The following TTC6 variants were observed in gnomAD, a reference collection of about 807,000 sequenced individuals.
TTC6 encodes the protein tetratricopeptide repeat domain 6.
In TTC6, 172 loss-of-function variants were observed where a neutral mutation model predicts 210.4. The observed-to-expected ratio is 0.82, with a 90% CI of 0.72 to 0.93. The LOEUF (loss-of-function observed/expected upper bound fraction) is 0.93, where lower values mean the gene tolerates loss of function less well. Among genes scored for constraint, TTC6 ranks in the 40% least tolerant of loss-of-function variants. TTC6 has a pLI of 0.00. For missense variants in TTC6, 2,414 were observed against 2,318.1 expected, an observed-to-expected ratio of 1.04 and a Z score of -0.85; for synonymous variants, 804 against 819.6, an observed-to-expected ratio of 0.98 and a Z score of 0.32.
At chr14:37,754,940 A>G (rs1221374816) in intron 14 of TTC6, among the ~76,000 whole-genome samples, 1 of 152,128 alleles carries the variant, frequency 6.6e-6, no homozygotes, top group Non-Finnish European at 1.5e-5. Context: ...GGATTGCTGT[A>G]TCAAATTCTA....
intron 12 of TTC6, 32 bp from the exon 15 acceptor site, chr14:37,751,021 A>T: frequency 1.4e-6 from 2 of 1,436,570 alleles, no homozygotes. Context: ...AAGGATTATA[A>T]CTCCAAATTT....
At chr14:37,764,279 G>T (rs1382834280) in intron 14 of TTC6, among the ~76,000 whole-genome samples, 7 of 152,062 alleles carry the variant, frequency 4.6e-5, no homozygotes, top group Non-Finnish European at 1.0e-4. Flanking sequence ...ATATATGTTT[G>T]TTAGGTCTAG....
intron 3 of TTC6, among the ~76,000 whole-genome samples, chr14:37,695,969 C>T (rs1468118894): frequency 1.3e-5 from 2 of 152,080 alleles, no homozygotes; most frequent in Non-Finnish European, 2.9e-5. Flanking sequence ...ATGTGAAAAA[C>T]TTCAGTGTTT....
At chr14:37,771,107 T>C (rs1366939731) in intron 14 of TTC6, among the ~76,000 whole-genome samples, 1 of 151,360 alleles carries the variant, frequency 6.6e-6, no homozygotes, top group Non-Finnish European at 1.5e-5. Flanking sequence ...AAAATTCTTT[T>C]CTTTAAGAAT....
At chr14:37,813,227 AT>A (rs927496403) in intron 25 of TTC6, among the ~76,000 whole-genome samples, 4 of 152,154 alleles carry the variant, frequency 2.6e-5, no homozygotes, top group Non-Finnish European at 4.4e-5. Flanking sequence ...CCAAATAATC[AT>A]TTACCTTTGA....
At chr14:37,614,610 G>GT (rs1183273259) in intron 2 of TTC6, among the ~76,000 whole-genome samples, 2 of 147,028 alleles carry the variant, frequency 1.4e-5, no homozygotes, top group Non-Finnish European at 3.0e-5. Context: ...AGCATTTCTT[G>GT]TAATTCCTAT....
At chr14:37,791,937 C>G (rs762810294) in intron 16 of TTC6, among the ~76,000 whole-genome samples, 2 of 152,108 alleles carry the variant, frequency 1.3e-5, no homozygotes, top group Non-Finnish European at 2.9e-5. Context: ...GGTAAAGACT[C>G]TTTAGTTGAG....
intron 3 of TTC6, among the ~76,000 whole-genome samples, chr14:37,691,547 T>A (rs1329293801): frequency 6.6e-6 from 1 of 152,058 alleles, no homozygotes; most frequent in Non-Finnish European, 1.5e-5. Context: ...ACAAAAGTAG[T>A]ACTAAGAGGG....
intron 1 of TTC6, among the ~76,000 whole-genome samples, chr14:37,671,008 T>G (rs977821643): frequency 6.6e-6 from 1 of 152,332 alleles, no homozygotes; most frequent in East Asian, 1.9e-4. Context: ...ATTTAGCAGC[T>G]TAAAACAATG....
At chr14:37,760,306 G>T (rs192146839) in intron 14 of TTC6, among the ~76,000 whole-genome samples, 29 of 152,282 alleles carry the variant, frequency 1.9e-4, no homozygotes, top group Non-Finnish European at 3.7e-4. Context: ...TTCAGAACCT[G>T]TTTGCCTGGG....
chr14:37,727,558 T>G lies in TTC6; in HGVS notation c.1818+2556T>G, dbSNP rs542497728. Among the ~76,000 whole-genome samples the G allele has an allele frequency of 4.1e-4, 62 of 151,924 alleles. No individual in the cohort carries two copies. In the South Asian group the frequency reaches 7.7e-3, roughly 19 times the overall value. On this transcript the variant is annotated intron_variant, in intron 7 of 30. Transcript: ENST00000553443. ...TCCGCCCGCCTTGGCCTCCCAAAGT[T>G]CTGGGATTACAGGTGTGAGCCACCA... is the stretch of plus-strand genomic sequence containing the variant.
At chr14:37,606,201 G>A (rs1594998951) in intron 1 of TTC6, among the ~76,000 whole-genome samples, 1 of 152,140 alleles carries the variant, frequency 6.6e-6, no homozygotes, top group African/African-American at 2.4e-5. Flanking sequence ...GTGTCTCAAT[G>A]TGTTCATTTC....
chr14:37,742,538 T>G (rs2095923644), intron 10 of TTC6, among the ~76,000 whole-genome samples: 1 of 152,058 alleles, frequency 6.6e-6, no homozygotes, highest in African/African-American at 2.4e-5. Context: ...TCATCTCAAG[T>G]AGCTGGGCCT....
intron 7 of TTC6, 37 bp downstream of exon 9, chr14:37,725,039 T>C: frequency 8.9e-7 from 1 of 1,127,860 alleles, no homozygotes; most frequent in Non-Finnish European, 1.2e-6. Context: ...TTATTGTTGT[T>C]GTTATTATTT....
intron 7 of TTC6, among the ~76,000 whole-genome samples, chr14:37,725,294 ATGTATG>A (rs1179107091): frequency 1.3e-5 from 1 of 76,118 alleles, no homozygotes; most frequent in East Asian, 3.1e-4. Flanking sequence ...TTATATATGT[ATGTATG>A]TGTGTGTGTG....
At chr14:37,778,031 T>G (rs1387700762) in intron 14 of TTC6, among the ~76,000 whole-genome samples, 11 of 152,112 alleles carry the variant, frequency 7.2e-5, no homozygotes, top group Admixed American at 7.2e-4. Flanking sequence ...TACAACACTT[T>G]GATGGGTGGT....
intron 6 of TTC6, among the ~76,000 whole-genome samples, chr14:37,718,619 T>G (rs1276357245): frequency 6.6e-6 from 1 of 152,144 alleles, no homozygotes; most frequent in Non-Finnish European, 1.5e-5. Flanking sequence ...ATGACATGAC[T>G]GTCTACATAG....
rs922366177 is a variant in TTC6, at chr14:37,784,916, A to T, written c.3267-2552A>T. Among the ~76,000 whole-genome samples, 233 of 152,292 alleles carry T rather than the reference A, an allele frequency of 1.5e-3. 1 individual carries two copies. Among genetic ancestry groups the T allele is most frequent in the Non-Finnish European group, 1.3e-4 (9 of 68,032 alleles). On this transcript the variant is annotated intron_variant, in intron 14 of 30. Transcript: ENST00000553443. ...GGCTGGATATGAAATTCTGGGTTGA[A>T]AATTCTTTTCTTTAAGAATGTTGAA...
intron 3 of TTC6, among the ~76,000 whole-genome samples, chr14:37,696,202 G>A (rs1004282949): frequency 1.3e-5 from 2 of 151,984 alleles, no homozygotes; most frequent in African/African-American, 4.8e-5. Context: ...TTCCCAAGGA[G>A]GGCCTCCCTG....
Sources: allele counts gnomAD v4.1 joint callset (sites outside exome capture counted in the v4.1 genomes callset), GRCh38; gene constraint gnomAD v4.1.1; transcripts MANE v1.5; gene names NCBI Gene and HGNC (gene_info 2026-07-23, HGNC 2026-07-21).